The following ZNF804B variants were observed in gnomAD, a reference collection of about 807,000 sequenced individuals.
The protein encoded by ZNF804B is zinc finger protein 804B, also known as zinc finger 804B.
Under a neutral mutation model 101.4 loss-of-function variants are expected in ZNF804B, and 80 were observed. That is an observed-to-expected ratio of 0.79 (90% CI 0.66 to 0.95). The LOEUF (loss-of-function observed/expected upper bound fraction) is 0.95, where lower values mean the gene tolerates loss of function less well. Among genes scored for constraint, ZNF804B ranks in the 40% least tolerant of loss-of-function variants. ZNF804B has a pLI of 0.00. For missense variants in ZNF804B, 1,673 were observed against 1,561.9 expected, an observed-to-expected ratio of 1.07 and a Z score of -1.20; for synonymous variants, 622 against 558.8, an observed-to-expected ratio of 1.11 and a Z score of -1.59.
In ZNF804B at chr7:89,335,193, T is replaced by C. The variant is rs1470703459; in HGVS notation, c.2211T>C (p.Gly737=). Residue 737 remains glycine (G), a synonymous_variant, in exon 4 of 4, where the codon GGT becomes GGC. Transcript: ENST00000333190. Reference sequence around the variant, plus strand: ...ATAGATTCAATGGTAATAGCAGAGGTAATTTGCTCTGCTTCCATAAAAGAG... The same window carrying C: ...ATAGATTCAATGGTAATAGCAGAGGCAATTTGCTCTGCTTCCATAAAAGAG... ...SSHRFNGNSR[G]NLLCFHKREH... 1 of 1,613,776 alleles carries C rather than the reference T, an allele frequency of 6.2e-7. No individual in the cohort carries two copies. Among genetic ancestry groups the C allele is most frequent in the Non-Finnish European group, 8.5e-7 (1 of 1,179,946 alleles).
At chr7:89,040,307 T>C (rs1486362955) in intron 1 of ZNF804B, among the ~76,000 whole-genome samples, 1 of 152,100 alleles carries the variant, frequency 6.6e-6, no homozygotes, top group Non-Finnish European at 1.5e-5. Flanking sequence ...CCTTTATTTC[T>C]TTTTATTCTT....
intron 1 of ZNF804B, among the ~76,000 whole-genome samples, chr7:89,031,910 T>C (rs527951715): frequency 6.6e-6 from 1 of 152,260 alleles, no homozygotes; most frequent in East Asian, 1.9e-4. Flanking sequence ...ATGGAATTGT[T>C]TAGCGTAGCT....
At chr7:88,837,933 A>T (rs1791239631) in intron 1 of ZNF804B, among the ~76,000 whole-genome samples, 4 of 151,750 alleles carry the variant, frequency 2.6e-5, no homozygotes, top group African/African-American at 9.7e-5. Context: ...TGTGTTATTT[A>T]TTTAAAAATA....
At chr7:89,270,666 A>G (rs1357204281) in intron 2 of ZNF804B, among the ~76,000 whole-genome samples, 3 of 152,096 alleles carry the variant, frequency 2.0e-5, no homozygotes, top group African/African-American at 7.2e-5. Context: ...CAATATGGCC[A>G]TTTTCATGAT....
At chr7:89,283,608 C>A (rs999061356) in intron 2 of ZNF804B, among the ~76,000 whole-genome samples, 1 of 152,108 alleles carries the variant, frequency 6.6e-6, no homozygotes, top group African/African-American at 2.4e-5. Context: ...ACATTGTACT[C>A]GGCTTTGCCA....
chr7:88,877,502 G>A (rs1791971482), intron 1 of ZNF804B, among the ~76,000 whole-genome samples: 1 of 152,058 alleles, frequency 6.6e-6, no homozygotes, highest in Non-Finnish European at 1.5e-5. Context: ...GGGGTTAAAT[G>A]GATATTAAGG....
intron 2 of ZNF804B, among the ~76,000 whole-genome samples, chr7:89,291,960 A>G (rs1295235080): frequency 2.6e-5 from 4 of 152,094 alleles, no homozygotes; most frequent in Non-Finnish European, 4.4e-5. Flanking sequence ...ACCTTACATG[A>G]CGAGAAAGAC....
At chr7:89,222,942 A>T (rs1789028840) in intron 2 of ZNF804B, among the ~76,000 whole-genome samples, 1 of 151,912 alleles carries the variant, frequency 6.6e-6, no homozygotes, top group Non-Finnish European at 1.5e-5. Context: ...CCATTTAAAG[A>T]TTTATTTTAG....
At chr7:89,185,773 TCG>T (rs767929161) in intron 1 of ZNF804B, among the ~76,000 whole-genome samples, 1 of 151,862 alleles carries the variant, frequency 6.6e-6, no homozygotes, top group East Asian at 1.9e-4. Context: ...AGCATGAAAA[TCG>T]CGTGAATCCT....
intron 2 of ZNF804B, among the ~76,000 whole-genome samples, chr7:89,298,212 GTGTGTATATATATATATATATATATA>G (rs1361117647): frequency 4.4e-4 from 29 of 65,272 alleles, no homozygotes; most frequent in African/African-American, 1.9e-3. Flanking sequence ...GTGTGTGTGT[GTGTGTATATATATATATATATATATA>G]TATATATATA....
At chr7:88,902,793 CG>C (rs1461965331) in intron 1 of ZNF804B, among the ~76,000 whole-genome samples, 5 of 151,822 alleles carry the variant, frequency 3.3e-5, no homozygotes, top group African/African-American at 7.3e-5. Flanking sequence ...AATATGGATA[CG>C]TATCTATTTT....
At chr7:89,292,483 C>A (rs1277569116) in intron 2 of ZNF804B, among the ~76,000 whole-genome samples, 1 of 151,960 alleles carries the variant, frequency 6.6e-6, no homozygotes, top group East Asian at 1.9e-4. Context: ...ACATTTTTAT[C>A]AGCTTAAAAT....
intron 1 of ZNF804B, among the ~76,000 whole-genome samples, chr7:88,848,626 T>C (rs1000429124): frequency 8.4e-4 from 128 of 151,636 alleles, no homozygotes; most frequent in Non-Finnish European, 1.0e-3. Context: ...ATTTTCTTTT[T>C]TTTTTTTTTT....
intron 1 of ZNF804B, among the ~76,000 whole-genome samples, chr7:88,923,963 C>A (rs1792759688): frequency 6.6e-6 from 1 of 152,062 alleles, no homozygotes; most frequent in Non-Finnish European, 1.5e-5. Context: ...TGTGATCATT[C>A]TAGTGATACC....
intron 1 of ZNF804B, among the ~76,000 whole-genome samples, chr7:89,192,896 A>G (rs1319758407): frequency 2.0e-5 from 3 of 152,142 alleles, no homozygotes; most frequent in Admixed American, 2.0e-4. Context: ...ACTACAAACT[A>G]ACCACATGAT....
intron 1 of ZNF804B, among the ~76,000 whole-genome samples, chr7:88,880,120 G>A (rs1028254667): frequency 1.3e-5 from 2 of 152,032 alleles, no homozygotes; most frequent in African/African-American, 4.8e-5. Flanking sequence ...ACAGTCTTAT[G>A]GAATTAGTTC....
intron 1 of ZNF804B, among the ~76,000 whole-genome samples, chr7:88,833,522 A>G (rs530911167): frequency 8.8e-5 from 13 of 148,232 alleles, no homozygotes; most frequent in African/African-American, 3.2e-4. Context: ...TTGGCCCTCA[A>G]TAAATTTTAG....
At chr7:89,156,201 C>A (rs1790972446) in intron 1 of ZNF804B, among the ~76,000 whole-genome samples, 2 of 151,976 alleles carry the variant, frequency 1.3e-5, no homozygotes, top group Non-Finnish European at 2.9e-5. Flanking sequence ...ACAACCTCCA[C>A]CTCCCAGGTT....
intron 1 of ZNF804B, among the ~76,000 whole-genome samples, chr7:89,100,319 G>C (rs368533923): frequency 6.6e-6 from 1 of 152,082 alleles, no homozygotes; most frequent in East Asian, 1.9e-4. Flanking sequence ...AAATCAAAAT[G>C]TATTGAAGAC....
Sources: gnomAD v4.1 joint callset for allele counts (sites outside exome capture counted in the v4.1 genomes callset) on GRCh38, gnomAD v4.1.1 for gene constraint, MANE v1.5 for transcripts, NCBI Gene and HGNC (gene_info 2026-07-23, HGNC 2026-07-21) for gene names.